CES4A: variants seen among roughly 807,000 people sequenced by gnomAD.
CES4A encodes carboxylesterase 6.
In CES4A, 48 loss-of-function variants were observed where a neutral mutation model predicts 65.4. That is an observed-to-expected ratio of 0.73 (90% CI 0.58 to 0.93). The LOEUF is 0.93. Among genes scored for constraint, CES4A ranks in the 40% least tolerant of loss-of-function variants. The pLI, the probability that CES4A is intolerant of heterozygous loss-of-function variation, is 0.00. For synonymous variants in CES4A, 247 were observed against 281.8 expected, an observed-to-expected ratio of 0.88 and a Z score of 1.24; for missense variants, 685 against 728.5, an observed-to-expected ratio of 0.94 and a Z score of 0.69.
chr16:67,001,232 G>C lies in CES4A; in HGVS notation c.537-76G>C. ...GAGGGGCAAGGCTGGGCTGGGTGGGGGAAGCCCAGGAGGGCAGCCCAACGC... is the reference window on the plus strand; with the variant it reads ...GAGGGGCAAGGCTGGGCTGGGTGGGCGAAGCCCAGGAGGGCAGCCCAACGC... On this transcript the variant is annotated intron_variant, in intron 4 of 13. Coordinates refer to ENST00000648724, the Ensembl canonical transcript of CES4A. This position sits in a 1 kb window ranked among gnomAD's most constrained non-coding sequence, Gnocchi z 4.1. The C allele has an allele frequency of 1.4e-6, 2 of 1,477,212 alleles. No individual in the cohort carries two copies. The highest frequency in any genetic ancestry group is 1.8e-6 in the Non-Finnish European group (2 of 1,114,812). 91.5% of individuals were successfully genotyped at this position (1,477,212 alleles called of 1,614,324 possible).
intron 10 of CES4A, 181 bp from the exon 11 acceptor site, chr16:67,005,059 G>A: frequency 1.3e-6 from 1 of 763,306 alleles, no homozygotes. Flanking sequence ...CACAGGGGCA[G>A]TTATGCAGCA....
In CES4A at chr16:67,005,376, C is replaced by T. The variant is rs372089768; in HGVS notation, c.1298C>T (p.Thr433Ile). 5.3e-5 allele frequency: 86 copies of T among 1,613,906 alleles called. No individual in the cohort carries two copies. The highest frequency in any genetic ancestry group is 6.8e-5 in the Non-Finnish European group (80 of 1,179,986). Residue 433 changes from threonine (T) to isoleucine (I), a missense_variant, in exon 11 of 14, where the codon ACT (threonine) becomes ATT (isoleucine). Transcript: ENST00000648724. The stretch of plus-strand genomic sequence containing the variant: ...ACTTTCGTGTATGCCACACTGCAGA[C>T]TGCTCACTACCACCGAGGTATGCAG...
At chr16:66,991,103 C>A (rs1432247741) in intron 1 of CES4A, among the ~76,000 whole-genome samples, 1 of 152,134 alleles carries the variant, frequency 6.6e-6, no homozygotes, top group African/African-American at 2.4e-5. Flanking sequence ...TGGCTCACTG[C>A]AACCTCCACC....
intron 9 of CES4A, 42 bp downstream of exon 9, chr16:67,004,266 TG>T (rs770603842): frequency 6.2e-7 from 1 of 1,609,676 alleles, no homozygotes; most frequent in South Asian, 1.1e-5. Context: ...CTTACGTAAG[TG>T]AGTACCATAG....
At chr16:66,991,736 A>G (rs1964406179) in intron 1 of CES4A, among the ~76,000 whole-genome samples, 1 of 152,172 alleles carries the variant, frequency 6.6e-6, no homozygotes, top group African/African-American at 2.4e-5. Context: ...GCCAACTTAT[A>G]TAACCCCTTT....
intron 2 of CES4A, among the ~76,000 whole-genome samples, chr16:66,999,931 G>A (rs1483444682): frequency 6.6e-6 from 1 of 152,154 alleles, no homozygotes; most frequent in Admixed American, 6.5e-5. Context: ...TGCTTGAGAG[G>A]ACTGAGGCCC....
exon 1 of CES4A, chr16:66,988,638 C>T: frequency 6.7e-7 from 1 of 1,496,114 alleles, no homozygotes; most frequent in Non-Finnish European, 8.9e-7. Context: ...TCCTCCCGCC[C>T]CAGTACTTGC....
chr16:67,008,689 C>T (rs573335220), intron 13 of CES4A: 10 of 305,168 alleles, frequency 3.3e-5, no homozygotes, highest in African/African-American at 1.5e-4. Flanking sequence ...CATGAGCCAC[C>T]AGGCCTGGCC....
intron 2 of CES4A, chr16:66,996,176 A>G: frequency 7.2e-6 from 3 of 416,244 alleles, no homozygotes; most frequent in South Asian, 1.9e-5. Flanking sequence ...ATCTGGGGCT[A>G]CAGGTACGTG....
chr16:66,993,686 A>T (rs1161825248), intron 1 of CES4A, among the ~76,000 whole-genome samples: 6 of 152,138 alleles, frequency 3.9e-5, no homozygotes, highest in African/African-American at 1.4e-4. Context: ...GCTCACATGT[A>T]CCTATATCAT....
Position 66,988,897 on chromosome 16 carries a change from C to A in CES4A, c.58+67C>A, listed in dbSNP as rs1597035802. 2.7e-6 allele frequency: 4 copies of A among 1,503,488 alleles called. No homozygotes were observed. In the African/African-American group the frequency reaches 4.2e-5, roughly 16 times the overall value. 93.1% of individuals were successfully genotyped at this position (1,503,488 alleles called of 1,614,324 possible). The stretch of plus-strand genomic sequence containing the variant: ...GCACAAGGGATGGAGGGACAGGCCC[C>A]AGTTCAACCTCTCCTGGGGACAGCA... On this transcript the variant is annotated intron_variant, in intron 1 of 13. Transcript: ENST00000648724.
chr16:66,989,022 C>G (rs1322721759), intron 1 of CES4A, among the ~76,000 whole-genome samples, 192 bp downstream of exon 1: 1 of 152,162 alleles, frequency 6.6e-6, no homozygotes, highest in East Asian at 1.9e-4. Flanking sequence ...CTTTAGCCTC[C>G]CTGAACCTCA....
intron 10 of CES4A, 24 bp from the exon 11 acceptor site, chr16:67,005,216 G>A (rs779631163): frequency 6.2e-7 from 1 of 1,612,680 alleles, no homozygotes; most frequent in Non-Finnish European, 8.5e-7. Context: ...CCAGGCCTCA[G>A]GTAAGTGTGG....
chr16:66,989,058 C>T (rs1032122057), intron 1 of CES4A, among the ~76,000 whole-genome samples: 6 of 152,164 alleles, frequency 3.9e-5, no homozygotes, highest in East Asian at 1.9e-4. Context: ...TCCTGCCTCC[C>T]GGCACAGGTG....
In CES4A at chr16:67,003,890, CAA is replaced by C. The variant is rs1965542449; in HGVS notation, c.940-193_940-192del. Among the ~76,000 whole-genome samples, 1 of 152,146 alleles carries C rather than the reference CAA, an allele frequency of 6.6e-6. No homozygotes were observed. Among genetic ancestry groups the C allele is most frequent in the African/African-American group, 2.4e-5 (1 of 41,434 alleles). The stretch of plus-strand genomic sequence containing the variant: ...GCTATACAGATACCCGCGGCCATCC[CAA>C]GTCCACGTAATTTGGTCCTGCCTAT... On this transcript the variant is annotated intron_variant, in intron 8 of 13. Transcript: ENST00000648724. The surrounding 1 kb of genome is among the most constrained non-coding windows in gnomAD (Gnocchi z 4.2).
At chr16:67,006,952 T>A (rs1965812794) in intron 13 of CES4A, 135 bp downstream of exon 13, 1 of 694,662 alleles carries the variant, frequency 1.4e-6, no homozygotes, top group Admixed American at 2.8e-5. Context: ...TGCCCCTTCT[T>A]CTTCAGCTTT....
chr16:66,989,085 T>C (rs2145561400), intron 1 of CES4A, among the ~76,000 whole-genome samples: 1 of 152,278 alleles, frequency 6.6e-6, no homozygotes, highest in Non-Finnish European at 1.5e-5. Context: ...TCTGAGAACA[T>C]GGCCACATCT....
intron 1 of CES4A, 103 bp downstream of exon 1, chr16:66,988,933 A>G: frequency 7.3e-7 from 1 of 1,366,802 alleles, no homozygotes; most frequent in Non-Finnish European, 9.8e-7. Flanking sequence ...GGGCAGGAGC[A>G]CTTAGACAAG....
intron 1 of CES4A, among the ~76,000 whole-genome samples, chr16:66,991,250 C>T (rs967572230): frequency 1.3e-5 from 2 of 152,142 alleles, no homozygotes; most frequent in East Asian, 3.9e-4. Flanking sequence ...GTCTCGAACT[C>T]CTGACCTCCA....
Sources: gnomAD v4.1 joint callset for allele counts (sites outside exome capture counted in the v4.1 genomes callset) on GRCh38, gnomAD v4.1.1 for gene constraint, Gnocchi (gnomAD v3.1) non-coding constraint, MANE v1.5 for transcripts, NCBI Gene and HGNC (gene_info 2026-07-23, HGNC 2026-07-21) for gene names.